The following NDRG4 variants were observed in gnomAD, a reference collection of about 807,000 sequenced individuals.
NDRG4 encodes NDRG family member 4, also known as protein NDRG4.
In NDRG4, 38 loss-of-function variants were observed where a neutral mutation model predicts 55.8. The observed-to-expected ratio is 0.68, with a 90% CI of 0.53 to 0.89. The LOEUF (loss-of-function observed/expected upper bound fraction) is 0.89. Ranked by LOEUF, NDRG4 falls within the 40% of genes least tolerant of loss-of-function variation. The pLI, the probability that NDRG4 is intolerant of heterozygous loss-of-function variation, is 0.00. For synonymous variants in NDRG4, 190 were observed against 182.7 expected, an observed-to-expected ratio of 1.04 and a Z score of -0.32; for missense variants, 455 against 468.6, an observed-to-expected ratio of 0.97 and a Z score of 0.27.
At position 58,505,650 on chromosome 16, in the gene NDRG4, A is replaced by G. The variant is rs1044752409; in HGVS notation, c.373-737A>G. Among the ~76,000 whole-genome samples the G allele has an allele frequency of 5.3e-5, 8 of 150,198 alleles. 1 individual carries two copies. The highest frequency in any genetic ancestry group is 2.0e-4 in the East Asian group (1 of 5,090). ...AGAAAATACCTCTTTTGCAATGCCT[A>G]CGGCAAAACAGACTTTGAAAAGGTT... On this transcript the variant is annotated intron_variant, in intron 5 of 14. Transcript: ENST00000570248.
chr16:58,494,284 C>T (rs2036138869), intron 2 of NDRG4, among the ~76,000 whole-genome samples: 1 of 152,164 alleles, frequency 6.6e-6, no homozygotes, highest in South Asian at 2.1e-4. Flanking sequence ...GAGGTGGGAG[C>T]AGCTGCCACT....
At chr16:58,478,207 G>A (rs1377041378) in intron 1 of NDRG4, among the ~76,000 whole-genome samples, 1 of 152,072 alleles carries the variant, frequency 6.6e-6, no homozygotes, top group Non-Finnish European at 1.5e-5. Flanking sequence ...TGGCCAACAC[G>A]GTGAAACCCT....
In NDRG4 at chr16:58,487,634, T is replaced by C. The variant is rs902418680; in HGVS notation, c.-23-122T>C. 31 of 699,338 alleles carry C rather than the reference T, an allele frequency of 4.4e-5. No homozygotes were observed. The African/African-American group carries it at 4.9e-4, about 11-fold the overall frequency. 43.3% of individuals were successfully genotyped at this position (699,338 alleles called of 1,614,324 possible). A position where few individuals can be genotyped will look rare whatever the true frequency, so the allele number is the denominator to read the frequency against. On this transcript the variant is annotated intron_variant, in intron 1 of 15. Coordinates refer to the NDRG4 transcript ENST00000258187. ...CCCTAAGTGCCTGAGTGGGCTGCGC[T>C]TGGGGGCCAGGGGGACAGTGCATCT...
rs1230201287 is a variant in NDRG4 at position 58,511,789 on chromosome 16, A to C, written c.*213A>C. On this transcript the variant is annotated 3_prime_UTR_variant, in exon 15 of 15. Coordinates refer to ENST00000570248, the MANE Select transcript of NDRG4 (RefSeq NM_001242835.2). ...TCATCCCATCTCACTCTCCGTGGTAACTTAGCCAACTTGACCCCTCTCATC... is the reference window on the plus strand; with the variant it reads ...TCATCCCATCTCACTCTCCGTGGTACCTTAGCCAACTTGACCCCTCTCATC... The C allele has an allele frequency of 1.1e-5, 7 of 653,152 alleles. No homozygotes were observed. The African/African-American group carries it at 1.3e-4, about 12-fold the overall frequency. The allele number at this position is 653,152 out of a possible 1,614,324, so 40.5% of individuals were successfully genotyped here.
rs1020299707 is a variant in NDRG4, at chr16:58,464,103, C to T, written c.-24+306C>T. 202 of 289,686 alleles carry T rather than the reference C, an allele frequency of 7.0e-4. 2 individuals are homozygous for T. The highest frequency in any genetic ancestry group is 8.3e-5 in the Non-Finnish European group (13 of 157,206). The allele number at this position is 289,686 out of a possible 1,614,324, so 17.9% of individuals were successfully genotyped here. On this transcript the variant is annotated intron_variant, in intron 1 of 15. Coordinates refer to the NDRG4 transcript ENST00000258187. This position sits in a 1 kb window ranked among gnomAD's most constrained non-coding sequence, Gnocchi z 4.8. ...AGGCGGCGGGGTCTCTTTGTTCGGG[C>T]GGCGGGCACGGGGGACCACCTCCCA...
intron 1 of NDRG4, among the ~76,000 whole-genome samples, chr16:58,470,005 A>C (rs1440441300): frequency 6.6e-6 from 1 of 152,206 alleles, no homozygotes; most frequent in Non-Finnish European, 1.5e-5. Context: ...TGTGTTAGAA[A>C]CATTTTCTTT....
At chr16:58,469,352 A>G (rs1239454009) in intron 1 of NDRG4, among the ~76,000 whole-genome samples, 1 of 143,862 alleles carries the variant, frequency 7.0e-6, no homozygotes, top group Non-Finnish European at 1.5e-5. Flanking sequence ...GAGGAGAGAC[A>G]TGAGGGTCAT....
chr16:58,513,646 CT>C (rs1183245704), downstream of NDRG4: 1 of 108,526 alleles, frequency 9.2e-6, no homozygotes, highest in Non-Finnish European at 2.1e-5. Context: ...CATTTCTCCC[CT>C]GACTCTGTGA....
rs2038932204 is a variant in NDRG4 at position 58,512,723 on chromosome 16, C to T, written c.*1147C>T. 1 of 153,286 alleles carries T rather than the reference C, an allele frequency of 6.5e-6. No homozygotes were observed. The allele number at this position is 153,286 out of a possible 1,614,324, so 9.5% of individuals were successfully genotyped here. A position where few individuals can be genotyped will look rare whatever the true frequency, so the allele number is the denominator to read the frequency against. On this transcript the variant is annotated 3_prime_UTR_variant, in exon 15 of 15. Transcript: ENST00000570248. ...AAAGGCTTCCCCTACACCCCAGCCT[C>T]CTGCTGTCCCCTGAAGCCCAGGACT...
intron 2 of NDRG4, among the ~76,000 whole-genome samples, chr16:58,492,551 T>TGTGTGA (rs1342930103): frequency 1.1e-4 from 5 of 43,996 alleles, no homozygotes; most frequent in East Asian, 4.9e-4. Flanking sequence ...TGTGTGTGTG[T>TGTGTGA]GAGAGACAGA....
At chr16:58,501,124 T>A in intron 1 of NDRG4, 1 of 1,184,526 alleles carries the variant, frequency 8.4e-7, no homozygotes, top group Non-Finnish European at 1.1e-6. Context: ...AGGGGCAGAC[T>A]CACCCCCACC....
At position 58,510,673 on chromosome 16, in the gene NDRG4, T is replaced by A; in HGVS notation, c.894T>A (p.Ser298Arg). ...CGTACTTGAAGGACCGAAGGCTGAG[T>A]GGAGGAGCAGGTAGCCCCACGGCCC... ...YIAYLKDRRL[S>R]GGAVPSASMT... The change falls in exon 14 of 15, where the codon AGT (serine) becomes AGA (arginine). Residue 298 changes from serine (S) to arginine (R), a missense_variant. By Grantham distance (110) the Ser-to-Arg change is moderately radical (BLOSUM62 -1). Transcript: ENST00000570248. 1 of 1,535,844 alleles carries A rather than the reference T, an allele frequency of 6.5e-7. No individual in the cohort carries two copies.
intron 13 of NDRG4, among the ~76,000 whole-genome samples, chr16:58,509,654 G>A (rs969569163): frequency 6.6e-6 from 1 of 152,162 alleles, no homozygotes; most frequent in African/African-American, 2.4e-5. Context: ...CGTGCTGGGG[G>A]TCCAGGGCCA....
At chr16:58,486,143 CAA>C (rs34053148) in intron 1 of NDRG4, among the ~76,000 whole-genome samples, 1 of 151,956 alleles carries the variant, frequency 6.6e-6, no homozygotes, top group Non-Finnish European at 1.5e-5. Flanking sequence ...ATGCCATTGG[CAA>C]AAAAAGAAAG....
intron 1 of NDRG4, among the ~76,000 whole-genome samples, chr16:58,481,890 T>C (rs2034442552): frequency 6.6e-6 from 1 of 152,186 alleles, no homozygotes; most frequent in Admixed American, 6.5e-5. Flanking sequence ...CCCTGGACAG[T>C]TCCAGACCCC....
At chr16:58,507,434 C>A (rs370750171) in intron 8 of NDRG4, 9 of 358,904 alleles carry the variant, frequency 2.5e-5, no homozygotes, top group Admixed American at 8.5e-5. Context: ...CCCTCACTCA[C>A]GTGCCCTCCT....
At chr16:58,484,668 G>A (rs2034862499) in intron 1 of NDRG4, among the ~76,000 whole-genome samples, 1 of 152,152 alleles carries the variant, frequency 6.6e-6, no homozygotes, top group Non-Finnish European at 1.5e-5. Flanking sequence ...ACCAGGAGCT[G>A]GGCAGGGCGG....
upstream of NDRG4, among the ~76,000 whole-genome samples, chr16:58,497,564 A>T (rs936885067): frequency 6.6e-6 from 1 of 151,784 alleles, no homozygotes; most frequent in African/African-American, 2.4e-5. Context: ...TGAGGATTAT[A>T]TGTATTATCC....
chr16:58,486,612 A>G (rs1019626493), intron 1 of NDRG4, among the ~76,000 whole-genome samples: 1 of 151,786 alleles, frequency 6.6e-6, no homozygotes, highest in African/African-American at 2.4e-5. Context: ...GACCTCTGCC[A>G]TCCTGAAGTT....
Sources: gnomAD v4.1 joint callset for allele counts (sites outside exome capture counted in the v4.1 genomes callset) on GRCh38, gnomAD v4.1.1 for gene constraint, Gnocchi (gnomAD v3.1) non-coding constraint, MANE v1.5 for transcripts, NCBI Gene and HGNC (gene_info 2026-07-23, HGNC 2026-07-21) for gene names.